Variants in PPM1L observed in about 807,000 individuals in gnomAD.
PPM1L encodes protein phosphatase 1L.
In PPM1L, 13 loss-of-function variants were observed where a neutral mutation model predicts 31.4. That is an observed-to-expected ratio of 0.41 (90% CI 0.27 to 0.66). The LOEUF is 0.66. Ranked by LOEUF, PPM1L falls within the 30% of genes least tolerant of loss-of-function variation. The pLI, the probability that PPM1L is intolerant of heterozygous loss-of-function variation, is 0.29. For synonymous variants in PPM1L, 184 were observed against 175.4 expected, an observed-to-expected ratio of 1.05 and a Z score of -0.39; for missense variants, 326 against 453.7, an observed-to-expected ratio of 0.72 and a Z score of 2.56.
chr3:160,899,718 C>A (rs1489649297), intron 1 of PPM1L, among the ~76,000 whole-genome samples: 1 of 151,888 alleles, frequency 6.6e-6, no homozygotes, highest in Non-Finnish European at 1.5e-5. Context: ...ATTTGTACTG[C>A]CTTTGGGTTG....
At chr3:160,974,022 T>TC (rs1716461881) in intron 2 of PPM1L, among the ~76,000 whole-genome samples, 1 of 36,554 alleles carries the variant, frequency 2.7e-5, no homozygotes, top group African/African-American at 1.0e-4. Flanking sequence ...CCCTCCCCCC[T>TC]CCCCCCACCC....
intron 1 of PPM1L, among the ~76,000 whole-genome samples, chr3:160,877,642 C>CGA (rs537836720): frequency 9.2e-5 from 14 of 152,194 alleles, no homozygotes; most frequent in Non-Finnish European, 2.1e-4. Flanking sequence ...CTCTCTCCTA[C>CGA]GAGAGAGAGG....
intron 1 of PPM1L, among the ~76,000 whole-genome samples, chr3:160,825,077 G>T (rs2108093489): frequency 6.6e-6 from 1 of 152,232 alleles, no homozygotes; most frequent in African/African-American, 2.4e-5. Context: ...TCTGTGGTCA[G>T]CTCAGCCACG....
chr3:160,963,217 A>G lies in PPM1L; in HGVS notation c.574+1307A>G, dbSNP rs115692684. On this transcript the variant is annotated intron_variant, in intron 2 of 3. Transcript: ENST00000498165. ...CATTTTATGGTGAGAAAACAAACTC[A>G]TAGACTTGCCTGAAATAATGCAGTT... 4.1e-3 allele frequency among the ~76,000 whole-genome samples: 624 copies of G among 152,140 alleles called. 4 individuals carry two copies. The highest frequency in any genetic ancestry group is 0.014 in the African/African-American group (596 of 41,568).
chr3:161,028,261 C>T (rs1284837251), intron 2 of PPM1L, among the ~76,000 whole-genome samples: 1 of 152,154 alleles, frequency 6.6e-6, no homozygotes, highest in Non-Finnish European at 1.5e-5. Context: ...AATGAAACGG[C>T]ACGTGTAAAT....
chr3:161,054,797 C>T (rs888917687), intron 2 of PPM1L, among the ~76,000 whole-genome samples: 14 of 152,260 alleles, frequency 9.2e-5, no homozygotes, highest in African/African-American at 2.6e-4. Flanking sequence ...CAGAGCCTGA[C>T]GCATGGTGAA....
intron 2 of PPM1L, among the ~76,000 whole-genome samples, chr3:160,975,186 T>G (rs1375110919): frequency 2.6e-5 from 4 of 152,164 alleles, no homozygotes; most frequent in Non-Finnish European, 4.4e-5. Context: ...TAGTTGTAGA[T>G]ATGCGGCGTT....
chr3:160,916,596 A>G lies in PPM1L; in HGVS notation c.400-45140A>G, dbSNP rs532692987. Among the ~76,000 whole-genome samples, 5 of 152,260 alleles carry G rather than the reference A, an allele frequency of 3.3e-5. No individual in the cohort carries two copies. In the East Asian group the frequency reaches 9.6e-4, roughly 29 times the overall value. ...GATTTCAAAAAGGATGCCTGCCTAC[A>G]TATCTCTTCTTCCAGTACACTCTGC... On this transcript the variant is annotated intron_variant, in intron 1 of 3. Coordinates refer to ENST00000498165, the MANE Select transcript of PPM1L (RefSeq NM_139245.4).
rs192846522 is a variant in PPM1L at position 160,838,198 on chromosome 3, A to C, written c.399+81491A>C. ...TGACTAACTTCCTTCCATGGTTATG[A>C]AGTAGTAGAGGGAATGGCAAATTAT... On this transcript the variant is annotated intron_variant, in intron 1 of 3. Coordinates refer to ENST00000498165, the MANE Select transcript of PPM1L (RefSeq NM_139245.4). Among the ~76,000 whole-genome samples the C allele has an allele frequency of 9.3e-4, 142 of 152,268 alleles. No individual in the cohort carries two copies. In the Middle Eastern group the frequency reaches 0.024, roughly 26 times the overall value.
chr3:160,815,084 C>A (rs1249829395), intron 1 of PPM1L, among the ~76,000 whole-genome samples: 1 of 151,906 alleles, frequency 6.6e-6, no homozygotes, highest in Non-Finnish European at 1.5e-5. Context: ...AATGGGTGCA[C>A]CAGAATCTCA....
At chr3:160,816,081 A>T (rs976871436) in intron 1 of PPM1L, among the ~76,000 whole-genome samples, 42 of 152,154 alleles carry the variant, frequency 2.8e-4, no homozygotes, top group Non-Finnish European at 4.7e-4. Context: ...TTTTCCATAG[A>T]TCTCTTAATT....
intron 1 of PPM1L, among the ~76,000 whole-genome samples, chr3:160,813,335 C>T (rs969618240): frequency 3.2e-4 from 49 of 151,834 alleles, no homozygotes; most frequent in African/African-American, 1.1e-3. Flanking sequence ...ATATGCATTA[C>T]TTTATTTTAT....
chr3:160,942,421 G>T (rs1715192061), intron 1 of PPM1L, among the ~76,000 whole-genome samples: 1 of 152,124 alleles, frequency 6.6e-6, no homozygotes, highest in Admixed American at 6.6e-5. Context: ...GTTCATTCAT[G>T]AATAATGTTT....
chr3:160,860,212 T>C (rs1324444217), intron 1 of PPM1L, among the ~76,000 whole-genome samples: 1 of 152,206 alleles, frequency 6.6e-6, no homozygotes, highest in Non-Finnish European at 1.5e-5. Context: ...GAAGCAAGTT[T>C]TAGTCACCAC....
intron 2 of PPM1L, among the ~76,000 whole-genome samples, chr3:161,007,084 T>G (rs904437879): frequency 6.6e-6 from 1 of 152,206 alleles, no homozygotes; most frequent in Non-Finnish European, 1.5e-5. Context: ...AAGCACATAC[T>G]GTGTGCTAGA....
At chr3:160,877,359 G>A (rs988142900) in intron 1 of PPM1L, among the ~76,000 whole-genome samples, 1 of 152,158 alleles carries the variant, frequency 6.6e-6, no homozygotes, top group Admixed American at 6.5e-5. Context: ...GGCAAGATGT[G>A]TGCAATTTAT....
intron 2 of PPM1L, among the ~76,000 whole-genome samples, chr3:161,024,207 G>A (rs1396194656): frequency 6.7e-6 from 1 of 149,974 alleles, no homozygotes; most frequent in Non-Finnish European, 1.5e-5. Flanking sequence ...AGAGGTTGCA[G>A]TGAGCCAAGA....
chr3:160,924,135 T>A (rs549405930), intron 1 of PPM1L, among the ~76,000 whole-genome samples: 348 of 152,270 alleles, frequency 2.3e-3, no homozygotes, highest in African/African-American at 8.2e-3. Flanking sequence ...TGAAAGAGGG[T>A]GCGATTTGGT....
intron 2 of PPM1L, among the ~76,000 whole-genome samples, chr3:161,030,849 A>G (rs1718543713): frequency 1.3e-5 from 2 of 152,114 alleles, no homozygotes; most frequent in African/African-American, 4.8e-5. Flanking sequence ...TCTGTTGAGA[A>G]AAAAAAAGGA....
Sources: gnomAD v4.1 joint callset for allele counts (sites outside exome capture counted in the v4.1 genomes callset) on GRCh38, gnomAD v4.1.1 for gene constraint, MANE v1.5 for transcripts, NCBI Gene and HGNC (gene_info 2026-07-23, HGNC 2026-07-21) for gene names.